Variants in DYRK1A observed in about 807,000 individuals in gnomAD.
The protein encoded by DYRK1A is dual specificity tyrosine phosphorylation regulated kinase 1A.
In DYRK1A, 9 loss-of-function variants were observed where a neutral mutation model predicts 79.7. That is an observed-to-expected ratio of 0.11 (90% CI 0.07 to 0.20). The LOEUF (loss-of-function observed/expected upper bound fraction) is 0.20. Among genes scored for constraint, DYRK1A ranks in the 10% least tolerant of loss-of-function variants. DYRK1A has a pLI of 1.00. For missense variants in DYRK1A, 622 were observed against 956.0 expected, an observed-to-expected ratio of 0.65 and a Z score of 4.61; for synonymous variants, 349 against 329.7, an observed-to-expected ratio of 1.06 and a Z score of -0.63.
intron 1 of DYRK1A, among the ~76,000 whole-genome samples, chr21:37,368,644 C>G (rs917594494): frequency 1.3e-5 from 2 of 152,042 alleles, no homozygotes; most frequent in African/African-American, 4.8e-5. Flanking sequence ...GTGGATCGAC[C>G]AGCTTGCCCA....
chr21:37,500,044 T>C (rs2053394303), intron 9 of DYRK1A, among the ~76,000 whole-genome samples: 1 of 151,860 alleles, frequency 6.6e-6, no homozygotes, highest in Non-Finnish European at 1.5e-5. Context: ...TTTGGGGGGG[T>C]CCTGGAACCA....
At chr21:37,491,295 TA>T (rs1289869844) in intron 7 of DYRK1A, among the ~76,000 whole-genome samples, 2 of 152,180 alleles carry the variant, frequency 1.3e-5, no homozygotes, top group Non-Finnish European at 2.9e-5. Flanking sequence ...ATAGAAGTGA[TA>T]GGGGTCTCCT....
chr21:37,480,262 G>T (rs2052589258), intron 4 of DYRK1A, among the ~76,000 whole-genome samples: 1 of 152,092 alleles, frequency 6.6e-6, no homozygotes, highest in Non-Finnish European at 1.5e-5. Flanking sequence ...GAACTTGAGG[G>T]ACATGAAAAT....
intron 5 of DYRK1A, chr21:37,481,244 G>A (rs1055056714): frequency 6.5e-6 from 1 of 153,326 alleles, no homozygotes; most frequent in African/African-American, 2.4e-5. Flanking sequence ...CACTTTTCAG[G>A]AGGCTTTGGA....
chr21:37,520,475 C>G lies in DYRK1A; in HGVS notation c.*7944C>G, dbSNP rs1037284389. The G allele has an allele frequency of 1.3e-5, 2 of 152,126 alleles. No homozygotes were observed. Among genetic ancestry groups the G allele is most frequent in the Non-Finnish European group, 2.9e-5 (2 of 68,038 alleles). The allele number at this position is 152,126 out of a possible 1,614,324, so 9.4% of individuals were successfully genotyped here. A position where few individuals can be genotyped will look rare whatever the true frequency, so the allele number is the denominator to read the frequency against. On this transcript the variant is annotated 3_prime_UTR_variant, in exon 12 of 12. Coordinates refer to ENST00000647188, the MANE Select transcript of DYRK1A (RefSeq NM_001347721.2). ...ATAATATTAGGTGACTACATCGAGC[C>G]TGGGTTCTCTCAGTATTAGCCTGTT...
At chr21:37,406,741 A>ATATATCTCTATATCTCTC (rs11281190) in intron 1 of DYRK1A, among the ~76,000 whole-genome samples, 3 of 147,456 alleles carry the variant, frequency 2.0e-5, no homozygotes, top group Non-Finnish European at 3.0e-5. Flanking sequence ...GTATATCTCT[A>ATATATCTCTATATCTCTC]TATATCTCTA....
chr21:37,366,549 C>T (rs996123110), upstream of DYRK1A, among the ~76,000 whole-genome samples: 4 of 151,474 alleles, frequency 2.6e-5, no homozygotes, highest in Non-Finnish European at 5.9e-5. Flanking sequence ...AATCACGCGC[C>T]CTCCTCTGAC....
chr21:37,416,967 T>C (rs2050354119), intron 1 of DYRK1A, among the ~76,000 whole-genome samples: 1 of 152,168 alleles, frequency 6.6e-6, no homozygotes, highest in Non-Finnish European at 1.5e-5. Context: ...TGTATCATAC[T>C]GATTTTTTTT....
intron 2 of DYRK1A, among the ~76,000 whole-genome samples, chr21:37,429,305 A>G (rs577602987): frequency 6.6e-6 from 1 of 152,312 alleles, no homozygotes; most frequent in East Asian, 1.9e-4. Context: ...TACTGGTGGT[A>G]GTAGTATTCT....
chr21:37,423,345 G>A (rs2050528053), intron 2 of DYRK1A, among the ~76,000 whole-genome samples: 1 of 152,060 alleles, frequency 6.6e-6, no homozygotes, highest in Non-Finnish European at 1.5e-5. Flanking sequence ...TTAGTAATGA[G>A]TGACACCATT....
intron 2 of DYRK1A, among the ~76,000 whole-genome samples, chr21:37,452,280 C>T (rs1428118590): frequency 1.4e-5 from 2 of 146,080 alleles, no homozygotes; most frequent in Non-Finnish European, 1.5e-5. Context: ...CTTGACAGAG[C>T]ATGGAAATAA....
intron 2 of DYRK1A, chr21:37,456,368 A>C (rs1205773587): frequency 6.6e-6 from 1 of 152,210 alleles, no homozygotes. Context: ...TTTGGGAGCT[A>C]TTCACAAGAT....
intron 1 of DYRK1A, among the ~76,000 whole-genome samples, chr21:37,401,199 A>G (rs572175812): frequency 9.2e-5 from 14 of 152,192 alleles, no homozygotes; most frequent in Non-Finnish European, 1.3e-4. Context: ...TTATTGTGCT[A>G]TATTAGGTAG....
chr21:37,508,071 T>TC (rs1168730487), intron 11 of DYRK1A, among the ~76,000 whole-genome samples: 4 of 151,928 alleles, frequency 2.6e-5, no homozygotes, highest in Admixed American at 1.3e-4. Context: ...TTGGGGGCAC[T>TC]CCTCTCTCCC....
intron 6 of DYRK1A, among the ~76,000 whole-genome samples, chr21:37,489,770 T>TAGGTGG (rs1178115017): frequency 1.7e-4 from 26 of 152,184 alleles, no homozygotes; most frequent in Admixed American, 1.1e-3. Context: ...GAGATCCCAG[T>TAGGTGG]AGGTGGAGCT....
intron 3 of DYRK1A, among the ~76,000 whole-genome samples, chr21:37,476,141 G>A (rs2052385594): frequency 6.6e-6 from 1 of 152,156 alleles, no homozygotes; most frequent in Non-Finnish European, 1.5e-5. Context: ...TATAGTAGCT[G>A]CACTACGATA....
intron 7 of DYRK1A, 77 bp downstream of exon 7, chr21:37,490,538 G>C: frequency 8.0e-7 from 1 of 1,251,460 alleles, no homozygotes; most frequent in Non-Finnish European, 1.0e-6. Flanking sequence ...TATTAGGTTG[G>C]CGCAAAAGTA....
Position 37,421,590 on chromosome 21 carries a change from A to G in DYRK1A, c.10+1206A>G, listed in dbSNP as rs1452930631. 2.6e-5 allele frequency among the ~76,000 whole-genome samples: 4 copies of G among 152,254 alleles called. No individual in the cohort carries two copies. In the East Asian group the frequency reaches 7.7e-4, roughly 29 times the overall value. On this transcript the variant is annotated intron_variant, in intron 2 of 11. Transcript: ENST00000647188. ...CTTGCACATGTATGTTTGCCTGTAC[A>G]TATTAGAAGTATGCCAGGTACACAT...
Position 37,512,393 on chromosome 21 carries a change from A to G in DYRK1A, c.2127A>G (p.Pro709=), listed in dbSNP as rs1370140036. Residue 709 remains proline (P), a synonymous_variant, in exon 12 of 12, where the codon CCA becomes CCG. Transcript: ENST00000647188. ...PRQETGIAGH[P]TYQFSANTGP... The stretch of plus-strand genomic sequence containing the variant: ...AAGAGACTGGCATAGCTGGACATCC[A>G]ACATACCAATTTTCTGCTAATACAG... 1.2e-6 allele frequency: 2 copies of G among 1,614,104 alleles called. No individual in the cohort carries two copies. The highest frequency in any genetic ancestry group is 3.3e-5 in the Admixed American group (2 of 60,004).
Sources: gnomAD v4.1 joint callset for allele counts (sites outside exome capture counted in the v4.1 genomes callset) on GRCh38, gnomAD v4.1.1 for gene constraint, MANE v1.5 for transcripts, NCBI Gene and HGNC (gene_info 2026-07-23, HGNC 2026-07-21) for gene names.